The following FSTL5 variants were observed in gnomAD, a reference collection of about 807,000 sequenced individuals.
The protein encoded by FSTL5 is follistatin like 5, also known as follistatin-related protein 5.
FSTL5 carries 62 observed loss-of-function variants against 89.1 expected under a neutral mutation model. The observed-to-expected ratio is 0.70, with a 90% confidence interval of 0.57 to 0.86. The LOEUF (loss-of-function observed/expected upper bound fraction) is 0.86. Ranked by LOEUF, FSTL5 falls within the 40% of genes least tolerant of loss-of-function variation. FSTL5 has a pLI of 0.00. For missense variants in FSTL5, 1,057 were observed against 1,001.6 expected, an observed-to-expected ratio of 1.06 and a Z score of -0.75; for synonymous variants, 383 against 346.2, an observed-to-expected ratio of 1.11 and a Z score of -1.18.
intron 15 of FSTL5, among the ~76,000 whole-genome samples, chr4:161,448,014 G>A (rs1733008770): frequency 1.3e-5 from 2 of 152,032 alleles, no homozygotes; most frequent in Non-Finnish European, 2.9e-5. Flanking sequence ...GTGGAGAGGG[G>A]GAGTAAAAAA....
At chr4:161,689,183 T>C (rs1737840762) in intron 6 of FSTL5, among the ~76,000 whole-genome samples, 1 of 152,170 alleles carries the variant, frequency 6.6e-6, no homozygotes, top group Non-Finnish European at 1.5e-5. Flanking sequence ...CTCTTCACTT[T>C]CCTGGGATAG....
chr4:161,833,942 T>A (rs563279185), intron 4 of FSTL5, among the ~76,000 whole-genome samples: 1 of 152,268 alleles, frequency 6.6e-6, no homozygotes, highest in South Asian at 2.1e-4. Flanking sequence ...AGCTGGTTAT[T>A]TTGCTCGTTA....
At chr4:161,670,180 G>C (rs1307041554) in intron 6 of FSTL5, among the ~76,000 whole-genome samples, 1 of 152,154 alleles carries the variant, frequency 6.6e-6, no homozygotes, top group Non-Finnish European at 1.5e-5. Context: ...ATTGGGAAGA[G>C]AAATTGCATA....
chr4:161,650,585 C>T (rs1736303737), intron 7 of FSTL5, among the ~76,000 whole-genome samples: 1 of 152,042 alleles, frequency 6.6e-6, no homozygotes, highest in South Asian at 2.1e-4. Context: ...CGAACATGAT[C>T]AACAATGCCA....
chr4:161,913,596 C>T (rs1390687192), intron 4 of FSTL5, among the ~76,000 whole-genome samples: 1 of 152,102 alleles, frequency 6.6e-6, no homozygotes, highest in African/African-American at 2.4e-5. Context: ...CTGGAAAAGC[C>T]ACAGATACTC....
At chr4:161,655,228 G>T (rs4257614) in intron 7 of FSTL5, among the ~76,000 whole-genome samples, 121,566 of 151,920 alleles carry the variant, frequency 0.8, 48,899 homozygotes, top group East Asian at 0.93. Context: ...ATCTTTGACA[G>T]GCAAACATTA....
At chr4:161,691,653 A>C (rs544025191) in intron 6 of FSTL5, among the ~76,000 whole-genome samples, 2 of 152,272 alleles carry the variant, frequency 1.3e-5, no homozygotes, top group South Asian at 4.1e-4. Flanking sequence ...ATTTATAAAC[A>C]GTGGATGTCG....
intron 13 of FSTL5, among the ~76,000 whole-genome samples, chr4:161,466,891 A>T (rs1733765162): frequency 6.6e-6 from 1 of 152,102 alleles, no homozygotes; most frequent in South Asian, 2.1e-4. Flanking sequence ...TTAAAATATT[A>T]TATTGTCATA....
chr4:161,498,008 A>G (rs1730146613), intron 12 of FSTL5, among the ~76,000 whole-genome samples: 1 of 151,760 alleles, frequency 6.6e-6, no homozygotes. Flanking sequence ...GCATACATAA[A>G]CATATATGTA....
At chr4:161,708,066 C>A (rs1379052435) in intron 6 of FSTL5, among the ~76,000 whole-genome samples, 1 of 151,930 alleles carries the variant, frequency 6.6e-6, no homozygotes, top group Non-Finnish European at 1.5e-5. Context: ...ATTTTATATG[C>A]AATGTGGAAA....
chr4:161,772,044 C>T (rs1462038195), intron 5 of FSTL5, among the ~76,000 whole-genome samples: 2 of 152,102 alleles, frequency 1.3e-5, no homozygotes, highest in African/African-American at 4.8e-5. Context: ...TCTAAAGAGC[C>T]TACCTTCTTT....
At chr4:161,514,627 T>A (rs571980446) in intron 10 of FSTL5, among the ~76,000 whole-genome samples, 23 of 152,270 alleles carry the variant, frequency 1.5e-4, no homozygotes, top group African/African-American at 5.5e-4. Context: ...ATTTTTTAAA[T>A]AGATAAATAA....
intron 8 of FSTL5, among the ~76,000 whole-genome samples, chr4:161,550,776 T>C (rs1282398111): frequency 6.6e-6 from 1 of 151,780 alleles, no homozygotes; most frequent in East Asian, 2.0e-4. Context: ...ATGTTCCCCT[T>C]CCTGTGTCCA....
At chr4:161,710,758 G>C (rs1270183867) in intron 6 of FSTL5, among the ~76,000 whole-genome samples, 1 of 152,092 alleles carries the variant, frequency 6.6e-6, no homozygotes, top group Non-Finnish European at 1.5e-5. Context: ...TATCTTACTG[G>C]AATTCAGTTA....
chr4:161,384,482 A>G lies in FSTL5; in HGVS notation c.*1265T>C, dbSNP rs1052482828. 6.6e-6 allele frequency: 1 copy of G among 152,164 alleles called. No individual in the cohort carries two copies. The highest frequency in any genetic ancestry group is 2.4e-5 in the African/African-American group (1 of 41,452). The allele number at this position is 152,164 out of a possible 1,614,324, so 9.4% of individuals were successfully genotyped here. On this transcript the variant is annotated 3_prime_UTR_variant, in exon 16 of 16. Transcript: ENST00000306100. ...TCATTTCCTCTTAAAACAAAACAGA[A>G]GCAACAATTTTTACTTTTCTACAGT...
chr4:161,872,852 T>C (rs772507898), intron 4 of FSTL5, among the ~76,000 whole-genome samples: 34 of 152,138 alleles, frequency 2.2e-4, no homozygotes, highest in Non-Finnish European at 4.1e-4. Context: ...CAATTAATTA[T>C]ATGTACATGT....
intron 15 of FSTL5, among the ~76,000 whole-genome samples, chr4:161,411,711 C>T (rs1185251959): frequency 1.3e-5 from 2 of 152,112 alleles, no homozygotes; most frequent in African/African-American, 4.8e-5. Context: ...CCATTTATGA[C>T]AAAGCATAGC....
intron 1 of FSTL5, among the ~76,000 whole-genome samples, chr4:162,163,136 G>A (rs1003210570): frequency 2.0e-5 from 3 of 152,114 alleles, no homozygotes; most frequent in Non-Finnish European, 4.4e-5. Flanking sequence ...TCTGCACTTT[G>A]AAGTCTATGC....
intron 2 of FSTL5, among the ~76,000 whole-genome samples, chr4:162,055,747 A>G (rs2111267919): frequency 6.6e-6 from 1 of 152,084 alleles, no homozygotes; most frequent in South Asian, 2.1e-4. Flanking sequence ...TATAGTTTTT[A>G]CTACTATGAA....
Sources: allele counts gnomAD v4.1 joint callset (sites outside exome capture counted in the v4.1 genomes callset), GRCh38; gene constraint gnomAD v4.1.1; transcripts MANE v1.5; gene names NCBI Gene and HGNC (gene_info 2026-07-23, HGNC 2026-07-21).